DCLK1: variants seen among roughly 807,000 people sequenced by gnomAD.
DCLK1 encodes the protein serine/threonine-protein kinase DCLK1.
Under a neutral mutation model 86.2 loss-of-function variants are expected in DCLK1, and 16 were observed. That is an observed-to-expected ratio of 0.19 (90% CI 0.13 to 0.28). The LOEUF is 0.28. Among genes scored for constraint, DCLK1 ranks in the 10% least tolerant of loss-of-function variants. The probability of loss-of-function intolerance (pLI) is 1.00; values close to 1 mark genes in which losing one functional copy is unlikely to be tolerated. For synonymous variants in DCLK1, 369 were observed against 370.5 expected (o/e 1.00, Z 0.05); for missense variants, 590 against 940.2 (o/e 0.63, Z 4.87).
At chr13:36,034,508 T>C (rs1882413476) in intron 3 of DCLK1, among the ~76,000 whole-genome samples, 1 of 152,234 alleles carries the variant, frequency 6.6e-6, no homozygotes, top group South Asian at 2.1e-4. Context: ...GACATGTTTG[T>C]CCCTTGGATT....
intron 11 of DCLK1, among the ~76,000 whole-genome samples, chr13:35,812,865 T>C (rs999452793): frequency 6.8e-6 from 1 of 147,764 alleles, no homozygotes; most frequent in East Asian, 1.9e-4. Context: ...TTTGCCCAGC[T>C]GTCATCTGGG....
At chr13:35,936,960 A>C (rs1430482536) in intron 4 of DCLK1, among the ~76,000 whole-genome samples, 1 of 103,188 alleles carries the variant, frequency 9.7e-6, no homozygotes, top group Admixed American at 1.3e-4. Flanking sequence ...AAGAAAAGTT[A>C]GCTTTTTTTT....
intron 3 of DCLK1, among the ~76,000 whole-genome samples, chr13:36,081,740 C>T (rs1884428242): frequency 6.6e-6 from 1 of 152,182 alleles, no homozygotes; most frequent in African/African-American, 2.4e-5. Flanking sequence ...CTTGAATATG[C>T]TCTCTAACTT....
intron 4 of DCLK1, among the ~76,000 whole-genome samples, chr13:35,912,458 G>T (rs1280429799): frequency 2.0e-5 from 3 of 152,134 alleles, no homozygotes; most frequent in Admixed American, 2.0e-4. Context: ...GCTGGCAGAA[G>T]AGAGAAGCAG....
intron 3 of DCLK1, among the ~76,000 whole-genome samples, chr13:36,021,193 T>C (rs1331268376): frequency 1.3e-5 from 2 of 151,680 alleles, no homozygotes; most frequent in Non-Finnish European, 2.9e-5. Flanking sequence ...CCAAACTAGA[T>C]TGTCTTATGA....
chr13:35,825,659 G>C (rs550025045), intron 10 of DCLK1, among the ~76,000 whole-genome samples: 12 of 152,252 alleles, frequency 7.9e-5, no homozygotes, highest in African/African-American at 2.9e-4. Context: ...AGAATGGCTT[G>C]AAGTTGTTAG....
intron 3 of DCLK1, among the ~76,000 whole-genome samples, chr13:36,085,907 A>T (rs1884578863): frequency 6.6e-6 from 1 of 152,192 alleles, no homozygotes; most frequent in African/African-American, 2.4e-5. Context: ...GAACCCCCAG[A>T]CAAATATTTC....
At position 35,891,216 on chromosome 13, in the gene DCLK1, A is replaced by G. The variant is rs1307598238; in HGVS notation, c.824-19876T>C. 2.0e-5 allele frequency among the ~76,000 whole-genome samples: 3 copies of G among 152,160 alleles called. No homozygotes were observed. In the East Asian group the frequency reaches 5.8e-4, roughly 29 times the overall value. On this transcript the variant is annotated intron_variant, in intron 4 of 16. Transcript: ENST00000360631. The stretch of plus-strand genomic sequence containing the variant: ...GATGACTTAGGTAGACTGTATAGTG[A>G]AGTCTAGTCTCAAGGAATGGCATAA...
intron 3 of DCLK1, among the ~76,000 whole-genome samples, chr13:35,966,432 C>T (rs866581377): frequency 2.6e-5 from 4 of 151,910 alleles, no homozygotes; most frequent in Non-Finnish European, 4.4e-5. Context: ...ATGACATAAC[C>T]ATAAAAGAGA....
chr13:36,107,900 C>A (rs1885457738), intron 3 of DCLK1, among the ~76,000 whole-genome samples: 1 of 152,026 alleles, frequency 6.6e-6, no homozygotes, highest in Non-Finnish European at 1.5e-5. Context: ...AAGTGAATAA[C>A]CCACAGCAAA....
intron 16 of DCLK1, among the ~76,000 whole-genome samples, chr13:35,786,910 T>C (rs1394133319): frequency 6.6e-6 from 1 of 152,084 alleles, no homozygotes; most frequent in Non-Finnish European, 1.5e-5. Flanking sequence ...AAAATTTTAT[T>C]GAGCTTTGGG....
At chr13:36,036,126 C>A (rs1487009253) in intron 3 of DCLK1, among the ~76,000 whole-genome samples, 1 of 152,144 alleles carries the variant, frequency 6.6e-6, no homozygotes, top group African/African-American at 2.4e-5. Context: ...GTCAGTTTAC[C>A]ATTGCCATAA....
chr13:36,007,706 C>T (rs997400191), intron 3 of DCLK1, among the ~76,000 whole-genome samples: 2 of 152,058 alleles, frequency 1.3e-5, no homozygotes, highest in African/African-American at 4.8e-5. Context: ...TAGAAAAACT[C>T]GTAAGGAGAG....
intron 4 of DCLK1, among the ~76,000 whole-genome samples, chr13:35,932,688 G>T (rs941989800): frequency 6.6e-6 from 1 of 152,174 alleles, no homozygotes; most frequent in Non-Finnish European, 1.5e-5. Flanking sequence ...AGAACAGTAT[G>T]TGGGAAAACT....
intron 2 of DCLK1, among the ~76,000 whole-genome samples, chr13:36,119,813 G>C (rs1253619644): frequency 6.6e-6 from 1 of 152,158 alleles, no homozygotes; most frequent in African/African-American, 2.4e-5. Flanking sequence ...AATGAAAAAA[G>C]GATATCAGTG....
chr13:36,087,110 C>T (rs1354449449), intron 3 of DCLK1, among the ~76,000 whole-genome samples: 1 of 152,224 alleles, frequency 6.6e-6, no homozygotes, highest in African/African-American at 2.4e-5. Flanking sequence ...TATTTCTCCA[C>T]ATCCTCTCCA....
At chr13:35,857,666 A>C (rs987428074) in intron 5 of DCLK1, among the ~76,000 whole-genome samples, 8 of 152,278 alleles carry the variant, frequency 5.3e-5, no homozygotes, top group Non-Finnish European at 8.8e-5. Context: ...CACAACAGCC[A>C]TTAACAGAAG....
intron 3 of DCLK1, among the ~76,000 whole-genome samples, chr13:35,985,247 C>G (rs1879844121): frequency 6.6e-6 from 1 of 152,210 alleles, no homozygotes. Context: ...TAAGCCCATT[C>G]TCCCTGGAAA....
rs138518917 is a variant in DCLK1 at position 36,000,570 on chromosome 13, C to T, written c.724-53113G>A. Among the ~76,000 whole-genome samples, 825 of 152,160 alleles carry T rather than the reference C, an allele frequency of 5.4e-3. 6 individuals are homozygous for T. Among genetic ancestry groups the T allele is most frequent in the African/African-American group, 0.019 (786 of 41,560 alleles). ...ATGAATTAGTATTATATACCATTTA[C>T]ATACCATTAAATACCATTACTAAAG... On this transcript the variant is annotated intron_variant, in intron 3 of 16. Coordinates refer to ENST00000360631, the MANE Select transcript of DCLK1 (RefSeq NM_001330071.2).
Sources: gnomAD v4.1 joint callset for allele counts (sites outside exome capture counted in the v4.1 genomes callset) on GRCh38, gnomAD v4.1.1 for gene constraint, MANE v1.5 for transcripts, NCBI Gene and HGNC (gene_info 2026-07-23, HGNC 2026-07-21) for gene names.